Variants in SLC44A1 observed in about 807,000 individuals in gnomAD.
SLC44A1 encodes the protein solute carrier family 44 member 1.
In SLC44A1, 26 loss-of-function variants were observed where a neutral mutation model predicts 79.3. That is an observed-to-expected ratio of 0.33 (90% CI 0.24 to 0.46). SLC44A1 has a LOEUF of 0.46. Ranked by LOEUF, SLC44A1 falls within the 20% of genes least tolerant of loss-of-function variation. SLC44A1 has a pLI of 1.00. For missense variants in SLC44A1, 688 were observed against 798.1 expected (o/e 0.86, Z 1.66); for synonymous variants, 263 against 286.2 (o/e 0.92, Z 0.82).
intron 15 of SLC44A1, among the ~76,000 whole-genome samples, chr9:105,436,761 CG>C (rs1423635863): frequency 2.0e-5 from 3 of 152,012 alleles, no homozygotes; most frequent in African/African-American, 7.3e-5. Flanking sequence ...AATCTGAGGC[CG>C]GGGGATCAGC....
At chr9:105,281,947 A>G (rs948279332) in intron 1 of SLC44A1, among the ~76,000 whole-genome samples, 2 of 152,210 alleles carry the variant, frequency 1.3e-5, no homozygotes, top group Admixed American at 6.5e-5. Flanking sequence ...ATGGAGTGGG[A>G]TGGGGTACAG....
intron 12 of SLC44A1, among the ~76,000 whole-genome samples, chr9:105,368,295 A>G (rs910673572): frequency 2.0e-5 from 3 of 152,150 alleles, no homozygotes; most frequent in Non-Finnish European, 4.4e-5. Context: ...GTAGTAAATC[A>G]AACATGTGAG....
At chr9:105,264,478 C>T (rs1271835236) in intron 1 of SLC44A1, among the ~76,000 whole-genome samples, 1 of 152,142 alleles carries the variant, frequency 6.6e-6, no homozygotes, top group African/African-American at 2.4e-5. Context: ...AATGTTTAGT[C>T]TTCATCTTAT....
chr9:105,416,353 A>G (rs932302196), intron 15 of SLC44A1, among the ~76,000 whole-genome samples: 7 of 151,522 alleles, frequency 4.6e-5, no homozygotes, highest in Non-Finnish European at 1.0e-4. Flanking sequence ...TACTTTCCTG[A>G]GCACCTACTA....
intron 4 of SLC44A1, among the ~76,000 whole-genome samples, chr9:105,347,335 C>A (rs6479311): frequency 0.21 from 32,268 of 151,792 alleles, 5,544 homozygotes; most frequent in African/African-American, 0.48. Context: ...TGGTACGAAC[C>A]TCAGTTAATC....
intron 2 of SLC44A1, among the ~76,000 whole-genome samples, chr9:105,301,286 T>G (rs1390450789): frequency 6.6e-6 from 1 of 152,200 alleles, no homozygotes; most frequent in Non-Finnish European, 1.5e-5. Context: ...ACTAAGGAGT[T>G]ATTTGTTTAC....
rs751129497 is a variant in SLC44A1, at chr9:105,309,771, A to T, written c.174A>T (p.Leu58=). Residue 58 remains leucine (L), a synonymous_variant, in exon 3 of 16, where the codon CTA becomes CTT. Coordinates refer to ENST00000374720, the MANE Select transcript of SLC44A1 (RefSeq NM_080546.5). ...FSIATGAAAR[L]VSGYDSYGNI... is the part of the protein sequence containing the mutation. ...TAGCAACAGGTGCAGCAGCAAGACTAGTGTCAGGATACGACAGCTATGGAA... is the reference window on the plus strand; with the variant it reads ...TAGCAACAGGTGCAGCAGCAAGACTTGTGTCAGGATACGACAGCTATGGAA... 6.2e-7 allele frequency: 1 copy of T among 1,613,950 alleles called. No individual in the cohort carries two copies. Among genetic ancestry groups the T allele is most frequent in the Non-Finnish European group, 8.5e-7 (1 of 1,179,836 alleles).
chr9:105,330,055 A>G (rs1446502949), intron 3 of SLC44A1, among the ~76,000 whole-genome samples: 1 of 152,196 alleles, frequency 6.6e-6, no homozygotes, highest in Non-Finnish European at 1.5e-5. Flanking sequence ...TTGGTATCCA[A>G]AGGGTCTGGC....
rs1828859946 is a variant in SLC44A1, at chr9:105,395,597, G to A, written c.*6541G>A. 3 of 985,424 alleles carry A rather than the reference G, an allele frequency of 3.0e-6. No individual in the cohort carries two copies. The highest frequency in any genetic ancestry group is 3.6e-6 in the Non-Finnish European group (3 of 829,912). 61.0% of individuals were successfully genotyped at this position (985,424 alleles called of 1,614,324 possible). ...AAATTCCCATGTTGGATAGAAAAGG[G>A]CGTAAGTCCAGTCTAAGTATCTAAA... On this transcript the variant is annotated 3_prime_UTR_variant, in exon 16 of 16. Coordinates refer to ENST00000374720, the MANE Select transcript of SLC44A1 (RefSeq NM_080546.5).
Position 105,392,386 on chromosome 9 carries a change from G to GCT in SLC44A1, c.*3347_*3348dup, listed in dbSNP as rs200002341. ...AGAAATGTTTTTCTTTTGTAGAGATGCTCTCTCTCTCTCTCTCTTTTTTTT... is the reference window on the plus strand; with the variant it reads ...AGAAATGTTTTTCTTTTGTAGAGATGCTCTCTCTCTCTCTCTCTCTTTTTTTT... On this transcript the variant is annotated 3_prime_UTR_variant, in exon 16 of 16. Transcript: ENST00000374720. 6.7e-4 allele frequency: 575 copies of GCT among 859,960 alleles called. 8 individuals carry two copies. The African/African-American group carries it at 7.3e-3, about 11-fold the overall frequency. 53.3% of individuals were successfully genotyped at this position (859,960 alleles called of 1,614,324 possible).
At chr9:105,378,120 C>A (rs1055384587) in intron 13 of SLC44A1, among the ~76,000 whole-genome samples, 1 of 152,094 alleles carries the variant, frequency 6.6e-6, no homozygotes. Flanking sequence ...TATAGTGGTA[C>A]ATGCCTGTAA....
At position 105,396,292 on chromosome 9, in the gene SLC44A1, C is replaced by T; in HGVS notation, c.*7236C>T. The T allele has an allele frequency of 1.1e-5, 11 of 985,128 alleles. No individual in the cohort carries two copies. The highest frequency in any genetic ancestry group is 1.3e-5 in the Non-Finnish European group (11 of 829,748). 61.0% of individuals were successfully genotyped at this position (985,128 alleles called of 1,614,324 possible). A position where few individuals can be genotyped will look rare whatever the true frequency, so the allele number is the denominator to read the frequency against. On this transcript the variant is annotated 3_prime_UTR_variant, in exon 16 of 16. Transcript: ENST00000374720. ...GAGCTTTAATCTAAAGAAGTTAGTT[C>T]AGTGGTTATTAACTGATTTTATTAC...
At position 105,340,950 on chromosome 9, in the gene SLC44A1, A is replaced by G. The variant is rs372318921; in HGVS notation, c.406+5251A>G. On this transcript the variant is annotated intron_variant, in intron 4 of 15. Coordinates refer to ENST00000374720, the MANE Select transcript of SLC44A1 (RefSeq NM_080546.5). Reference sequence around the variant, plus strand: ...CCCCTGTCAAGTATGACTACAATAGACAGTTTGGAAGAAATAGCTGGAAAT... The same window carrying G: ...CCCCTGTCAAGTATGACTACAATAGGCAGTTTGGAAGAAATAGCTGGAAAT... Among the ~76,000 whole-genome samples, 8 of 152,330 alleles carry G rather than the reference A, an allele frequency of 5.3e-5. No homozygotes were observed. In the East Asian group the frequency reaches 1.2e-3, roughly 22 times the overall value.
At chr9:105,252,812 T>C (rs1369354125) in intron 1 of SLC44A1, among the ~76,000 whole-genome samples, 1 of 152,244 alleles carries the variant, frequency 6.6e-6, no homozygotes, top group Non-Finnish European at 1.5e-5. Context: ...TATTTCCTCC[T>C]TTTTGATACT....
intron 1 of SLC44A1, 37 bp downstream of exon 1, chr9:105,244,941 G>A (rs1346698890): frequency 3.6e-5 from 41 of 1,125,652 alleles, no homozygotes; most frequent in Non-Finnish European, 4.4e-5. Flanking sequence ...CCGCCCGGAT[G>A]CCTCCCGTGC....
intron 1 of SLC44A1, among the ~76,000 whole-genome samples, chr9:105,296,421 T>C (rs1360835998): frequency 6.6e-6 from 1 of 152,212 alleles, no homozygotes; most frequent in East Asian, 1.9e-4. Flanking sequence ...TGGTCAAAAA[T>C]GAACTATCTC....
chr9:105,260,439 AT>A (rs1427669665), intron 1 of SLC44A1, among the ~76,000 whole-genome samples: 1 of 152,206 alleles, frequency 6.6e-6, no homozygotes, highest in Non-Finnish European at 1.5e-5. Context: ...AACAAAAGTG[AT>A]TATGGTGAAA....
chr9:105,259,605 A>G (rs188295088), intron 1 of SLC44A1, among the ~76,000 whole-genome samples: 1 of 152,356 alleles, frequency 6.6e-6, no homozygotes, highest in Non-Finnish European at 1.5e-5. Flanking sequence ...CTAAGCCTCA[A>G]AGTTTTTCCA....
At chr9:105,405,046 G>A (rs775400738) in intron 15 of SLC44A1, among the ~76,000 whole-genome samples, 12 of 152,086 alleles carry the variant, frequency 7.9e-5, no homozygotes, top group Non-Finnish European at 1.6e-4. Flanking sequence ...GTGGCTAGGC[G>A]CGGTGGCTCA....
Sources: allele counts gnomAD v4.1 joint callset (sites outside exome capture counted in the v4.1 genomes callset), GRCh38; gene constraint gnomAD v4.1.1; transcripts MANE v1.5; gene names NCBI Gene and HGNC (gene_info 2026-07-23, HGNC 2026-07-21).